ATP2C2: variants seen among roughly 807,000 people sequenced by gnomAD.
ATP2C2 encodes the protein calcium-transporting ATPase type 2C member 2.
Under a neutral mutation model 110.8 loss-of-function variants are expected in ATP2C2, and 171 were observed. That is an observed-to-expected ratio of 1.54 (90% CI 1.36 to 1.75). ATP2C2 has a LOEUF of 1.75. ATP2C2 is among the 40% of genes most tolerant of loss of function. ATP2C2 has a pLI of 0.00. For synonymous variants in ATP2C2, 804 were observed against 508.4 expected, an observed-to-expected ratio of 1.58 and a Z score of -7.82; for missense variants, 1,963 against 1,235.0, an observed-to-expected ratio of 1.59 and a Z score of -8.84.
In ATP2C2 at chr16:84,452,087, C is replaced by G; in HGVS notation, c.1827C>G (p.Ala609=). The G allele has an allele frequency of 6.2e-7, 1 of 1,613,938 alleles. No individual in the cohort carries two copies. The highest frequency in any genetic ancestry group is 8.5e-7 in the Non-Finnish European group (1 of 1,179,972). ...ITGDALETAL[A]IGRNIGLCNG... Reference sequence around the variant, plus strand: ...GGGATGCCCTGGAGACGGCCTTGGCCATAGGTAACTGGGACAGGGTCGGGG... The same window carrying G: ...GGGATGCCCTGGAGACGGCCTTGGCGATAGGTAACTGGGACAGGGTCGGGG... Residue 609 remains alanine, a synonymous_variant, in exon 18 of 27, where the codon GCC becomes GCG. Transcript: ENST00000262429.
At chr16:84,373,292 G>A (rs1172000658) in intron 1 of ATP2C2, among the ~76,000 whole-genome samples, 2 of 152,176 alleles carry the variant, frequency 1.3e-5, no homozygotes, top group Admixed American at 6.5e-5. Flanking sequence ...CTGAGGTTAC[G>A]AGTTCGAGAC....
chr16:84,415,265 C>T (rs768006776), intron 6 of ATP2C2, among the ~76,000 whole-genome samples: 9 of 152,152 alleles, frequency 5.9e-5, no homozygotes, highest in African/African-American at 1.7e-4. Flanking sequence ...GCAATGGCCT[C>T]ATCTTTCAGA....
At chr16:84,435,544 G>A (rs566345755) in intron 11 of ATP2C2, among the ~76,000 whole-genome samples, 1 of 152,314 alleles carries the variant, frequency 6.6e-6, no homozygotes, top group South Asian at 2.1e-4. Flanking sequence ...ACAGCCACCT[G>A]GCCAAGCTTG....
chr16:84,368,655 G>T lies in ATP2C2; in HGVS notation c.40G>T (p.Gly14Cys). The T allele has an allele frequency of 6.4e-7, 1 of 1,564,566 alleles. No individual in the cohort carries two copies. The highest frequency in any genetic ancestry group is 2.5e-5 in the East Asian group (1 of 40,140). ...CGTCTCCGAGTTCCTGAAGAAACTCGGCTTCTCGGGCGGGGGCCGCCAGTA... is the reference window on the plus strand; with the variant it reads ...CGTCTCCGAGTTCCTGAAGAAACTCTGCTTCTCGGGCGGGGGCCGCCAGTA... ...GRVSEFLKKL[G>C]FSGGGRQYQA... Residue 14 changes from glycine to cysteine, a missense_variant, in exon 1 of 27, where the codon GGC becomes TGC. Coordinates refer to ENST00000262429, the MANE Select transcript of ATP2C2 (RefSeq NM_014861.4).
intron 24 of ATP2C2, 190 bp downstream of exon 24, chr16:84,460,991 G>C (rs766098457): frequency 1.9e-5 from 15 of 781,854 alleles, no homozygotes; most frequent in Non-Finnish European, 2.9e-5. Flanking sequence ...TGAAAGAAGG[G>C]AGGTCGCCAG....
At chr16:84,438,333 G>A (rs368732467) in intron 11 of ATP2C2, among the ~76,000 whole-genome samples, 1 of 152,302 alleles carries the variant, frequency 6.6e-6, no homozygotes, top group South Asian at 2.1e-4. Context: ...CCAGGCACCA[G>A]GCATCATACC....
rs58768682 is a variant in ATP2C2, at chr16:84,378,255, G to A, written c.99+9541G>A. On this transcript the variant is annotated intron_variant, in intron 1 of 26. Coordinates refer to ENST00000262429, the MANE Select transcript of ATP2C2 (RefSeq NM_014861.4). ...CCGAATCTGGGGGCTCTGGGCGTAGGGGAAGGAGTGTTGGTCTGAGTGGCC... is the reference window on the plus strand; with the variant it reads ...CCGAATCTGGGGGCTCTGGGCGTAGAGGAAGGAGTGTTGGTCTGAGTGGCC... 2.6e-3 allele frequency among the ~76,000 whole-genome samples: 401 copies of A among 152,298 alleles called. 2 individuals are homozygous for A. The highest frequency in any genetic ancestry group is 9.3e-3 in the African/African-American group (385 of 41,554).
Position 84,461,809 on chromosome 16 carries a change from T to A in ATP2C2, c.2577T>A (p.Ser859=), listed in dbSNP as rs577058071. ...TCTTCAACGCCTTGACCTGCCGCTC[T>A]CAGGTGAGACCCGGGCTGACCCTCC... ...FDLFNALTCR[S]QTKLIFEIGF... The change falls in exon 25 of 27, where the codon TCT becomes TCA. Residue 859 remains serine, a synonymous_variant. Transcript: ENST00000262429. 3.7e-6 allele frequency: 6 copies of A among 1,613,794 alleles called. No homozygotes were observed. The East Asian group carries it at 1.3e-4, about 36-fold the overall frequency.
intron 17 of ATP2C2, among the ~76,000 whole-genome samples, chr16:84,450,418 G>A (rs1261189855): frequency 6.6e-6 from 1 of 152,128 alleles, no homozygotes; most frequent in Non-Finnish European, 1.5e-5. Flanking sequence ...CACCCCACAT[G>A]CATCCAGGGG....
rs374053600 is a variant in ATP2C2 at position 84,454,894 on chromosome 16, A to G, written c.2057A>G (p.Asp686Gly). ...GACGCAGTGGCCCTGAAGTCTGCAG[A>G]CATTGGGATCGCCATGGGGCAGACA... ...VNDAVALKSA[D>G]IGIAMGQTGT... Residue 686 changes from aspartate (D) to glycine (G), a missense_variant, in exon 21 of 27, where the codon GAC (aspartate) becomes GGC (glycine). Physicochemically the swap from Asp to Gly is moderately conservative, Grantham distance 94. Coordinates refer to ENST00000262429, the MANE Select transcript of ATP2C2 (RefSeq NM_014861.4). 1 of 1,613,958 alleles carries G rather than the reference A, an allele frequency of 6.2e-7. No individual in the cohort carries two copies. Among genetic ancestry groups the G allele is most frequent in the Non-Finnish European group, 8.5e-7 (1 of 1,179,968 alleles).
intron 2 of ATP2C2, among the ~76,000 whole-genome samples, chr16:84,403,730 G>T (rs1272458746): frequency 1.3e-5 from 2 of 150,374 alleles, no homozygotes; most frequent in African/African-American, 2.5e-5. Context: ...CCTTCTTGTT[G>T]CCCAGGCTGG....
In ATP2C2 at chr16:84,456,513, A is replaced by C. The variant is rs1910801749; in HGVS notation, c.2147+1529A>C. 5.5e-5 allele frequency among the ~76,000 whole-genome samples: 7 copies of C among 127,640 alleles called. No homozygotes were observed. In the Admixed American group the frequency reaches 5.9e-4, roughly 11 times the overall value. 83.7% of individuals were successfully genotyped at this position (127,640 alleles called of 152,430 possible). A position where few individuals can be genotyped will look rare whatever the true frequency, so the allele number is the denominator to read the frequency against. The stretch of plus-strand genomic sequence containing the variant: ...CCAGGGCAATCAGGCAGGAGAAGGA[A>C]ATAAAGGGTATTCAATTAGGAAAAG... On this transcript the variant is annotated intron_variant, in intron 21 of 26. Coordinates refer to ENST00000262429, the MANE Select transcript of ATP2C2 (RefSeq NM_014861.4).
chr16:84,434,890 C>A (rs1212128057), intron 11 of ATP2C2, among the ~76,000 whole-genome samples: 7 of 152,192 alleles, frequency 4.6e-5, no homozygotes, highest in African/African-American at 1.7e-4. Flanking sequence ...CAAAGATGCC[C>A]TTCCCCTGCC....
chr16:84,381,562 G>C (rs1910580296), intron 1 of ATP2C2, among the ~76,000 whole-genome samples: 1 of 151,974 alleles, frequency 6.6e-6, no homozygotes, highest in Admixed American at 6.6e-5. Flanking sequence ...GGACGACAGA[G>C]CAAGACTCTG....
At chr16:84,448,167 G>A (rs1253188856) in intron 16 of ATP2C2, among the ~76,000 whole-genome samples, 1 of 152,118 alleles carries the variant, frequency 6.6e-6, no homozygotes, top group Non-Finnish European at 1.5e-5. Flanking sequence ...GGAGGCAACA[G>A]TCTAATGGAA....
At chr16:84,403,453 C>G (rs1408963602) in intron 2 of ATP2C2, among the ~76,000 whole-genome samples, 1 of 151,518 alleles carries the variant, frequency 6.6e-6, no homozygotes, top group Non-Finnish European at 1.5e-5. Flanking sequence ...CTACAGGAGT[C>G]TGCCACCACA....
At chr16:84,461,551 A>C (rs1911338681) in intron 24 of ATP2C2, 163 bp from the exon 25 acceptor site, 6 of 703,422 alleles carry the variant, frequency 8.5e-6, no homozygotes, top group Non-Finnish European at 1.5e-5. Flanking sequence ...CTGGGGTAGC[A>C]GCCACTGACC....
In ATP2C2 at chr16:84,454,780, G is replaced by C. The variant is rs138478313; in HGVS notation, c.1981-38G>C. Reference sequence around the variant, plus strand: ...CATGGCCGGGCACTGGGAGGTGGTCGTCAGGCTGCAGGCCTTCATTGCCTG... The same window carrying C: ...CATGGCCGGGCACTGGGAGGTGGTCCTCAGGCTGCAGGCCTTCATTGCCTG... On this transcript the variant is annotated intron_variant, in intron 20 of 26. Transcript: ENST00000262429. 161 of 1,534,378 alleles carry C rather than the reference G, an allele frequency of 1.0e-4. 1 individual carries two copies. In the African/African-American group the frequency reaches 1.2e-3, roughly 12 times the overall value.
Position 84,439,298 on chromosome 16 carries a change from A to G in ATP2C2, c.1111+8A>G. ...CCATCGTGGAGACTTTAGGTGAGGGACTCCAGCTGGTGGAATCCTTACACG... is the reference window on the plus strand; with the variant it reads ...CCATCGTGGAGACTTTAGGTGAGGGGCTCCAGCTGGTGGAATCCTTACACG... On this transcript the variant is annotated splice_region_variant and intron_variant, in intron 12 of 26. Transcript: ENST00000262429. 1 of 1,612,848 alleles carries G rather than the reference A, an allele frequency of 6.2e-7. No individual in the cohort carries two copies. Among genetic ancestry groups the G allele is most frequent in the Non-Finnish European group, 8.5e-7 (1 of 1,179,948 alleles).
Sources: gnomAD v4.1 joint callset for allele counts (sites outside exome capture counted in the v4.1 genomes callset) on GRCh38, gnomAD v4.1.1 for gene constraint, MANE v1.5 for transcripts, NCBI Gene and HGNC (gene_info 2026-07-23, HGNC 2026-07-21) for gene names.